Variants in PUM1 observed in about 807,000 individuals in gnomAD.
PUM1 encodes the protein pumilio RNA binding family member 1.
Under a neutral mutation model 131.8 loss-of-function variants are expected in PUM1, and 13 were observed. The ratio of observed to expected loss-of-function variants is 0.10; its 90% confidence interval spans 0.06 to 0.16. PUM1 has a LOEUF of 0.16. Among genes scored for constraint, PUM1 ranks in the 10% least tolerant of loss-of-function variants. The pLI is 1.00. For missense variants in PUM1, 961 were observed against 1,512.4 expected, an observed-to-expected ratio of 0.64 and a Z score of 6.05; for synonymous variants, 509 against 556.5, an observed-to-expected ratio of 0.91 and a Z score of 1.20.
intron 5 of PUM1, among the ~76,000 whole-genome samples, chr1:31,005,633 C>A (rs990408184): frequency 2.6e-5 from 4 of 152,124 alleles, no homozygotes; most frequent in African/African-American, 9.7e-5. Context: ...TGTCCCCCCA[C>A]CAAAACATTA....
intron 2 of PUM1, among the ~76,000 whole-genome samples, chr1:31,043,988 T>C (rs1042345452): frequency 6.6e-6 from 1 of 151,964 alleles, no homozygotes; most frequent in South Asian, 2.1e-4. Flanking sequence ...GAAAAAAACT[T>C]GAACACAAAT....
At chr1:31,011,164 T>TACACACACACACACACACACACAC (rs138764103) in intron 3 of PUM1, among the ~76,000 whole-genome samples, 16 of 142,974 alleles carry the variant, frequency 1.1e-4, no homozygotes, top group Non-Finnish European at 1.8e-4. Flanking sequence ...TCTCTTAAAA[T>TACACACACACACACACACACACAC]ACACACACAC....
chr1:30,948,863 T>A (rs1005716106), intron 17 of PUM1, among the ~76,000 whole-genome samples: 1 of 152,238 alleles, frequency 6.6e-6, no homozygotes, highest in African/African-American at 2.4e-5. Flanking sequence ...AAATTTAAAA[T>A]AGCTTCACAC....
intron 2 of PUM1, among the ~76,000 whole-genome samples, chr1:31,054,359 T>C (rs1014709353): frequency 7.2e-5 from 11 of 151,776 alleles, no homozygotes; most frequent in African/African-American, 2.7e-4. Context: ...TAAAAGCAAT[T>C]GCTCTTAAAT....
chr1:31,017,181 A>G (rs12080918), intron 3 of PUM1, among the ~76,000 whole-genome samples: 42,699 of 152,108 alleles, frequency 0.28, 7,699 homozygotes, highest in East Asian at 0.53. Context: ...AAAAACAAAA[A>G]AAGCAGTAAA....
At chr1:30,972,664 C>A (rs1640965563) in intron 10 of PUM1, among the ~76,000 whole-genome samples, 1 of 151,124 alleles carries the variant, frequency 6.6e-6, no homozygotes, top group African/African-American at 2.4e-5. Context: ...ATCCCAGCTA[C>A]TCAGGAGGCT....
At chr1:30,953,544 G>T (rs772293500) in intron 15 of PUM1, among the ~76,000 whole-genome samples, 170 bp downstream of exon 15, 1 of 152,140 alleles carries the variant, frequency 6.6e-6, no homozygotes, top group African/African-American at 2.4e-5. Flanking sequence ...GTATGTCTTT[G>T]TGTTCATGTT....
intron 10 of PUM1, among the ~76,000 whole-genome samples, chr1:30,970,096 A>G (rs917588319): frequency 1.3e-5 from 2 of 152,244 alleles, no homozygotes; most frequent in Non-Finnish European, 2.9e-5. Flanking sequence ...CCACAAACCA[A>G]GGCTAAAATT....
At chr1:31,049,887 T>C (rs1644068106) in intron 2 of PUM1, among the ~76,000 whole-genome samples, 1 of 136,272 alleles carries the variant, frequency 7.3e-6, no homozygotes, top group African/African-American at 2.8e-5. Context: ...TGGAGTGCAG[T>C]GGTGCAATCT....
intron 2 of PUM1, among the ~76,000 whole-genome samples, chr1:31,045,250 C>T (rs1043372716): frequency 3.3e-5 from 5 of 151,998 alleles, no homozygotes; most frequent in African/African-American, 2.4e-5. Flanking sequence ...TCTCCTGCCT[C>T]GGCCTCTTGA....
chr1:30,982,751 T>A (rs1474854953), intron 7 of PUM1, among the ~76,000 whole-genome samples: 2 of 152,214 alleles, frequency 1.3e-5, no homozygotes, highest in East Asian at 1.9e-4. Flanking sequence ...ATCCTGAGAT[T>A]TGGCTACCCT....
chr1:31,010,514 C>T (rs759400570), intron 3 of PUM1, among the ~76,000 whole-genome samples: 5 of 152,150 alleles, frequency 3.3e-5, no homozygotes, highest in East Asian at 3.8e-4. Context: ...CCTATACAGA[C>T]GCCACATGAA....
rs139211389 is a variant in PUM1 at position 30,950,160 on chromosome 1, A to G, written c.2823T>C (p.Ala941=). ...GCTGGTCTGAAGGAATAAACTCAAG[A>G]GCTTTCTGGATAACACGGCAGCCAT... ...QMYGCRVIQK[A]LEFIPSDQQV... Residue 941 remains alanine (A), a synonymous_variant, in exon 17 of 22, where the codon GCT becomes GCC. Coordinates refer to ENST00000426105, the MANE Select transcript of PUM1 (RefSeq NM_001020658.2). 3.1e-6 allele frequency: 5 copies of G among 1,613,852 alleles called. No homozygotes were observed. The Admixed American group carries it at 6.7e-5, about 22-fold the overall frequency.
At chr1:30,940,137 TTC>T (rs1639384433) in intron 20 of PUM1, among the ~76,000 whole-genome samples, 2 of 152,254 alleles carry the variant, frequency 1.3e-5, no homozygotes, top group African/African-American at 4.8e-5. Context: ...TTCATTTCTT[TTC>T]TCTGTTTTTC....
intron 18 of PUM1, among the ~76,000 whole-genome samples, chr1:30,942,757 C>T (rs1476995663): frequency 6.6e-6 from 1 of 152,136 alleles, no homozygotes; most frequent in Non-Finnish European, 1.5e-5. Flanking sequence ...AGTCATCACA[C>T]CCAGTGCTTT....
Position 31,017,254 on chromosome 1 carries a change from C to T in PUM1, c.433-10152G>A, listed in dbSNP as rs138752661. On this transcript the variant is annotated intron_variant, in intron 3 of 21. Coordinates refer to ENST00000426105, the MANE Select transcript of PUM1 (RefSeq NM_001020658.2). ...AAGAAAAACCAGAGTCAAACGGACA[C>T]GTAATTTTAAGATAAGCACACTGCC... Among the ~76,000 whole-genome samples, 636 of 152,162 alleles carry T rather than the reference C, an allele frequency of 4.2e-3. 3 individuals are homozygous for T. The Middle Eastern group carries it at 0.058, about 14-fold the overall frequency.
chr1:30,959,310 C>T (rs887126146), intron 14 of PUM1, among the ~76,000 whole-genome samples: 2 of 152,308 alleles, frequency 1.3e-5, no homozygotes, highest in South Asian at 4.1e-4. Context: ...CCACAACACA[C>T]ACCTCACGAG....
intron 2 of PUM1, among the ~76,000 whole-genome samples, chr1:31,045,958 T>C (rs1570345763): frequency 6.6e-6 from 1 of 152,092 alleles, no homozygotes; most frequent in African/African-American, 2.4e-5. Context: ...GGTGCATGCT[T>C]GTAATCCCGG....
chr1:31,053,601 T>C (rs912568216), intron 2 of PUM1, among the ~76,000 whole-genome samples: 2 of 151,190 alleles, frequency 1.3e-5, no homozygotes, highest in African/African-American at 2.4e-5. Context: ...GCCCTCCAAG[T>C]AGCTGGGACC....
Sources: allele counts gnomAD v4.1 joint callset (sites outside exome capture counted in the v4.1 genomes callset), GRCh38; gene constraint gnomAD v4.1.1; transcripts MANE v1.5; gene names NCBI Gene and HGNC (gene_info 2026-07-23, HGNC 2026-07-21).